Variants in ZNF385D observed in about 807,000 individuals in gnomAD.
ZNF385D encodes the protein zinc finger protein 659.
A neutral mutation model predicts 35.8 loss-of-function variants in ZNF385D; 15 were observed. That is an observed-to-expected ratio of 0.42 (90% CI 0.28 to 0.64). The LOEUF is 0.64. Ranked by LOEUF, ZNF385D falls within the 30% of genes least tolerant of loss-of-function variation. ZNF385D has a pLI of 0.23. For synonymous variants in ZNF385D, 212 were observed against 186.8 expected (o/e 1.13, Z -1.10); for missense variants, 474 against 494.6 (o/e 0.96, Z 0.39).
intron 2 of ZNF385D, among the ~76,000 whole-genome samples, chr3:22,236,717 C>A (rs1427399935): frequency 6.6e-6 from 1 of 152,084 alleles, no homozygotes; most frequent in African/African-American, 2.4e-5. Context: ...CTCTCTATTC[C>A]TATGTCTAGC....
chr3:21,885,181 A>G (rs1026192048), intron 3 of ZNF385D, among the ~76,000 whole-genome samples: 5 of 152,098 alleles, frequency 3.3e-5, no homozygotes, highest in Non-Finnish European at 5.9e-5. Context: ...GAATAGCAGA[A>G]AAAACAAATG....
At chr3:22,233,090 T>C (rs1472190412) in intron 2 of ZNF385D, among the ~76,000 whole-genome samples, 4 of 152,282 alleles carry the variant, frequency 2.6e-5, no homozygotes, top group Non-Finnish European at 5.9e-5. Context: ...TTTTTTGTTT[T>C]TAGTATACTC....
intron 2 of ZNF385D, among the ~76,000 whole-genome samples, chr3:22,259,286 C>T (rs1700493032): frequency 6.6e-6 from 1 of 151,770 alleles, no homozygotes; most frequent in South Asian, 2.1e-4. Context: ...GAGTTGTTTA[C>T]CTCATGGTGC....
intron 2 of ZNF385D, among the ~76,000 whole-genome samples, chr3:21,583,884 TTTC>T (rs1196656396): frequency 6.6e-6 from 1 of 150,900 alleles, no homozygotes; most frequent in Non-Finnish European, 1.5e-5. Context: ...ATTCAATTTT[TTTC>T]TTTTCTTCTT....
chr3:22,123,016 G>T (rs1236968873), intron 3 of ZNF385D, among the ~76,000 whole-genome samples: 1 of 152,140 alleles, frequency 6.6e-6, no homozygotes, highest in Non-Finnish European at 1.5e-5. Context: ...AAATGCAATG[G>T]GTTGTCATGG....
intron 3 of ZNF385D, among the ~76,000 whole-genome samples, chr3:22,031,334 T>C (rs1697988698): frequency 6.6e-6 from 1 of 152,262 alleles, no homozygotes; most frequent in African/African-American, 2.4e-5. Flanking sequence ...GCTCTGCCCC[T>C]GCAGCAGGCT....
At chr3:21,892,405 A>G (rs1698914602) in intron 3 of ZNF385D, among the ~76,000 whole-genome samples, 2 of 152,174 alleles carry the variant, frequency 1.3e-5, no homozygotes, top group African/African-American at 4.8e-5. Context: ...ACAACAATCC[A>G]GAGAAATCAT....
rs1003265036 is a variant in ZNF385D at position 21,465,810 on chromosome 3, T to G, written c.440-28607A>C. On this transcript the variant is annotated intron_variant, in intron 4 of 7. Transcript: ENST00000281523. The surrounding 1 kb of genome is among the most constrained non-coding windows in gnomAD (Gnocchi z 4.2). ...TAAGCCAGGTGCTAGGTGTTAGGATTTGGCAAATAGTCAGATGCCCTTCCT... is the reference window on the plus strand; with the variant it reads ...TAAGCCAGGTGCTAGGTGTTAGGATGTGGCAAATAGTCAGATGCCCTTCCT... Among the ~76,000 whole-genome samples the G allele has an allele frequency of 6.6e-6, 1 of 152,202 alleles. No homozygotes were observed. Among genetic ancestry groups the G allele is most frequent in the African/African-American group, 2.4e-5 (1 of 41,450 alleles).
chr3:21,525,876 C>T (rs1342834623), intron 3 of ZNF385D, among the ~76,000 whole-genome samples: 4 of 151,962 alleles, frequency 2.6e-5, no homozygotes, highest in Non-Finnish European at 2.9e-5. Context: ...TGAAATACAG[C>T]GGTTGTCTAA....
At chr3:22,023,007 A>G (rs1166778541) in intron 3 of ZNF385D, among the ~76,000 whole-genome samples, 2 of 152,138 alleles carry the variant, frequency 1.3e-5, no homozygotes, top group African/African-American at 4.8e-5. Context: ...ACACAAAATA[A>G]AAGTACACAG....
intron 3 of ZNF385D, among the ~76,000 whole-genome samples, chr3:21,940,182 T>C (rs11714027): frequency 0.12 from 18,076 of 152,196 alleles, 1,441 homozygotes; most frequent in South Asian, 0.25. Context: ...TCTACTGATA[T>C]TTCTCTATTC....
intron 3 of ZNF385D, among the ~76,000 whole-genome samples, chr3:21,931,286 A>G (rs1451072776): frequency 6.6e-6 from 1 of 152,206 alleles, no homozygotes; most frequent in East Asian, 1.9e-4. Flanking sequence ...TAAAAAGGAA[A>G]GACAGTAACA....
chr3:21,788,879 A>G (rs1341358713), intron 3 of ZNF385D, among the ~76,000 whole-genome samples: 2 of 152,304 alleles, frequency 1.3e-5, no homozygotes, highest in Admixed American at 6.5e-5. Context: ...ACGCTGTGCT[A>G]TAACAGCTGC....
At chr3:21,678,507 TA>T (rs2066799086) in intron 1 of ZNF385D, among the ~76,000 whole-genome samples, 1 of 152,096 alleles carries the variant, frequency 6.6e-6, no homozygotes, top group African/African-American at 2.4e-5. Context: ...AAACGTTTTG[TA>T]GAAAACGCAA....
intron 3 of ZNF385D, among the ~76,000 whole-genome samples, chr3:21,971,511 A>T (rs1383805554): frequency 6.6e-6 from 1 of 151,938 alleles, no homozygotes; most frequent in East Asian, 1.9e-4. Context: ...AGATGAAAAT[A>T]TACCACTAGT....
chr3:22,030,295 A>ATATATATC (rs1697906139), intron 3 of ZNF385D, among the ~76,000 whole-genome samples: 2 of 110,806 alleles, frequency 1.8e-5, no homozygotes, highest in Non-Finnish European at 3.5e-5. Context: ...ATATATATAT[A>ATATATATC]TATATATCCT....
rs1024209411 is a variant in ZNF385D at position 21,417,620 on chromosome 3, T to G, written c.*3594A>C. 31 of 152,148 alleles carry G rather than the reference T, an allele frequency of 2.0e-4. No individual in the cohort carries two copies. Among genetic ancestry groups the G allele is most frequent in the African/African-American group, 6.5e-4 (27 of 41,440 alleles). 9.4% of individuals were successfully genotyped at this position (152,148 alleles called of 1,614,324 possible). ...AAAATTTAATTGTAATTGGTGATAT[T>G]TATTGCTCATGTCTACTATGTGTTG... On this transcript the variant is annotated 3_prime_UTR_variant, in exon 8 of 8. Coordinates refer to ENST00000281523, the MANE Select transcript of ZNF385D (RefSeq NM_024697.3).
chr3:22,187,601 G>A (rs572168125), intron 2 of ZNF385D, among the ~76,000 whole-genome samples: 1 of 151,906 alleles, frequency 6.6e-6, no homozygotes, highest in South Asian at 2.1e-4. Flanking sequence ...AGGGAACAAA[G>A]TTCTCATGAG....
At chr3:22,278,144 C>A (rs1236409916) in intron 2 of ZNF385D, among the ~76,000 whole-genome samples, 1 of 152,052 alleles carries the variant, frequency 6.6e-6, no homozygotes, top group Non-Finnish European at 1.5e-5. Context: ...CATGTTTACA[C>A]CCAACATGGC....
Sources: allele counts gnomAD v4.1 joint callset (sites outside exome capture counted in the v4.1 genomes callset), GRCh38; gene constraint gnomAD v4.1.1; non-coding constraint Gnocchi (gnomAD v3.1); transcripts MANE v1.5; gene names NCBI Gene and HGNC (gene_info 2026-07-23, HGNC 2026-07-21).